Variants in SRD5A2 observed in about 807,000 individuals in gnomAD.
SRD5A2 encodes 3-oxo-5-alpha-steroid 4-dehydrogenase 2.
A neutral mutation model predicts 27.4 loss-of-function variants in SRD5A2; 30 were observed. The ratio of observed to expected loss-of-function variants is 1.10; its 90% CI spans 0.82 to 1.49. The LOEUF (loss-of-function observed/expected upper bound fraction) is 1.49, where lower values mean the gene tolerates loss of function less well. Among genes scored for constraint, SRD5A2 ranks in the 40% most tolerant of loss-of-function variants. The pLI is 0.00. For synonymous variants in SRD5A2, 141 were observed against 133.6 expected, an observed-to-expected ratio of 1.06 and a Z score of -0.38; for missense variants, 348 against 323.4, an observed-to-expected ratio of 1.08 and a Z score of -0.58.
chr2:31,542,539 A>G (rs1365054959), intron 1 of SRD5A2, among the ~76,000 whole-genome samples: 4 of 152,184 alleles, frequency 2.6e-5, no homozygotes, highest in Non-Finnish European at 5.9e-5. Flanking sequence ...AACTAAAAGT[A>G]CATGTGGATG....
At chr2:31,657,392 C>A in the SRD5A2 span, among the ~76,000 whole-genome samples, 2 of 152,124 alleles carry the variant, frequency 1.3e-5, no homozygotes, top group African/African-American at 4.8e-5. Context: ...AATAGGTACT[C>A]TCTTTGTTTG....
At chr2:31,596,316 A>AGGTGGAGG in the SRD5A2 span, among the ~76,000 whole-genome samples, 39 of 134,478 alleles carry the variant, frequency 2.9e-4, no homozygotes, top group African/African-American at 1.0e-3. Context: ...TGAACCCTGG[A>AGGTGGAGG]GGTGGAGGTT....
At chr2:31,580,955 C>T (rs577957973), upstream of SRD5A2, 1,619 of 1,548,366 alleles carry the variant, frequency 1.0e-3, 26 homozygotes, top group South Asian at 0.018. Flanking sequence ...GCGCGGCCCC[C>T]GCAACCCCTT....
intron 1 of SRD5A2, among the ~76,000 whole-genome samples, chr2:31,577,211 C>A (rs542070): frequency 1 from 137,713 of 137,714 alleles, 68,856 homozygotes; most frequent in Non-Finnish European, 1. Context: ...ACTTCAAATG[C>A]CTTTGGCAGT....
intron 1 of SRD5A2, among the ~76,000 whole-genome samples, chr2:31,573,745 C>A (rs1666898404): frequency 6.6e-6 from 1 of 152,154 alleles, no homozygotes; most frequent in Non-Finnish European, 1.5e-5. Flanking sequence ...TACAGCTCAG[C>A]CCTTCTGCTG....
chr2:31,592,528 T>C, the SRD5A2 span, among the ~76,000 whole-genome samples: 1 of 152,192 alleles, frequency 6.6e-6, no homozygotes, highest in African/African-American at 2.4e-5. Flanking sequence ...ATCACAGGAC[T>C]CTTTGTAGAC....
At chr2:31,567,456 G>GTGTGTATATATATA (rs143408801) in intron 1 of SRD5A2, among the ~76,000 whole-genome samples, 6 of 140,238 alleles carry the variant, frequency 4.3e-5, no homozygotes, top group African/African-American at 1.3e-4. Context: ...GTGTGTGTGT[G>GTGTGTATATATATA]TATATATATA....
At chr2:31,645,630 A>G in the SRD5A2 span, among the ~76,000 whole-genome samples, 41 of 152,352 alleles carry the variant, frequency 2.7e-4, 2 homozygotes, top group South Asian at 5.8e-3. Context: ...AGAAATGTTC[A>G]TTACAAATAC....
At chr2:31,640,716 A>T in the SRD5A2 span, among the ~76,000 whole-genome samples, 8 of 152,002 alleles carry the variant, frequency 5.3e-5, no homozygotes, top group East Asian at 1.4e-3. Context: ...CTGAACAGCC[A>T]CTCTGATTTG....
the SRD5A2 span, among the ~76,000 whole-genome samples, chr2:31,617,402 A>T: frequency 6.6e-6 from 1 of 152,220 alleles, no homozygotes; most frequent in Non-Finnish European, 1.5e-5. Flanking sequence ...AGGAGCTGCC[A>T]CAAAAGTCTC....
At chr2:31,650,991 G>A in the SRD5A2 span, among the ~76,000 whole-genome samples, 1 of 152,202 alleles carries the variant, frequency 6.6e-6, no homozygotes, top group Non-Finnish European at 1.5e-5. Flanking sequence ...CAGACTGGTT[G>A]ACTAACTATA....
chr2:31,610,035 C>T, the SRD5A2 span, among the ~76,000 whole-genome samples: 1 of 151,982 alleles, frequency 6.6e-6, no homozygotes, highest in Non-Finnish European at 1.5e-5. Context: ...TAAAAATGTT[C>T]CCATCAAAGA....
intron 1 of SRD5A2, among the ~76,000 whole-genome samples, chr2:31,543,599 T>G (rs1419816326): frequency 6.6e-6 from 1 of 152,204 alleles, no homozygotes; most frequent in Non-Finnish European, 1.5e-5. Context: ...TATATAAAGT[T>G]GCAATTTTGT....
chr2:31,560,616 T>G (rs1558369317), intron 1 of SRD5A2, among the ~76,000 whole-genome samples: 1 of 152,206 alleles, frequency 6.6e-6, no homozygotes, highest in African/African-American at 2.4e-5. Context: ...CCTTTTTTGC[T>G]GCGCTTCCTT....
the SRD5A2 span, among the ~76,000 whole-genome samples, chr2:31,598,290 C>T: frequency 1.3e-5 from 2 of 151,808 alleles, no homozygotes; most frequent in Admixed American, 1.3e-4. Flanking sequence ...GCTCTGGGGA[C>T]TCGGTAGGAA....
chr2:31,637,534 A>G, the SRD5A2 span, among the ~76,000 whole-genome samples: 1 of 152,112 alleles, frequency 6.6e-6, no homozygotes, highest in Non-Finnish European at 1.5e-5. Context: ...TTGTCCAGAA[A>G]GTTTGTAAAT....
At chr2:31,607,090 G>C in the SRD5A2 span, among the ~76,000 whole-genome samples, 2 of 151,924 alleles carry the variant, frequency 1.3e-5, no homozygotes, top group Non-Finnish European at 2.9e-5. Flanking sequence ...AGGAAGAAGA[G>C]AAGTGATAAT....
the SRD5A2 span, among the ~76,000 whole-genome samples, chr2:31,618,465 AT>A: frequency 6.6e-6 from 1 of 152,196 alleles, no homozygotes; most frequent in African/African-American, 2.4e-5. Flanking sequence ...AAAATATGAT[AT>A]ATATACACAA....
chr2:31,633,526 T>A, the SRD5A2 span, among the ~76,000 whole-genome samples: 1 of 152,166 alleles, frequency 6.6e-6, no homozygotes, highest in Admixed American at 6.5e-5. Flanking sequence ...AAATCATTCT[T>A]CAAATGGAGC....
Sources: allele counts gnomAD v4.1 joint callset (sites outside exome capture counted in the v4.1 genomes callset), GRCh38; gene constraint gnomAD v4.1.1; transcripts MANE v1.5; gene names NCBI Gene and HGNC (gene_info 2026-07-23, HGNC 2026-07-21).